Variants in CTF1 observed in about 807,000 individuals in gnomAD.
CTF1 encodes cardiotrophin 1.
A neutral mutation model predicts 10.9 loss-of-function variants in CTF1; 9 were observed. The observed-to-expected ratio is 0.83, with a 90% confidence interval of 0.50 to 1.44. CTF1 has a LOEUF of 1.44. CTF1 is among the 40% of genes most tolerant of loss of function. The probability of loss-of-function intolerance (pLI) is 0.00; values close to 1 mark genes in which losing one functional copy is unlikely to be tolerated. For missense variants in CTF1, 259 were observed against 275.3 expected (o/e 0.94, Z 0.42); for synonymous variants, 133 against 138.8 (o/e 0.96, Z 0.29).
At position 30,902,536 on chromosome 16, in the gene CTF1, C is replaced by G; in HGVS notation, c.603C>G (p.Ala201=). The change falls in exon 3 of 3, where the codon GCC becomes GCG. Residue 201 remains alanine, a synonymous_variant. Coordinates refer to ENST00000279804, the MANE Select transcript of CTF1 (RefSeq NM_001330.5). ...GCCAGCTGCTGCCCGGGGGCTCGGC[C>G]TGAGCGCCGCGGGGCAGCTCGCCCC... ...DLGQLLPGGS[A] The G allele has an allele frequency of 6.7e-7, 1 of 1,500,092 alleles. No individual in the cohort carries two copies. Among genetic ancestry groups the G allele is most frequent in the Non-Finnish European group, 8.9e-7 (1 of 1,129,608 alleles). The allele number at this position is 1,500,092 out of a possible 1,614,324, so 92.9% of individuals were successfully genotyped here.
chr16:30,898,756 T>G (rs2055375744), intron 1 of CTF1, among the ~76,000 whole-genome samples: 1 of 152,142 alleles, frequency 6.6e-6, no homozygotes, highest in Non-Finnish European at 1.5e-5. Flanking sequence ...CTCCCGGGGT[T>G]CAAGTGATCC....
intron 2 of CTF1, among the ~76,000 whole-genome samples, chr16:30,900,747 C>G (rs1255425576): frequency 2.6e-5 from 4 of 152,178 alleles, no homozygotes; most frequent in African/African-American, 9.6e-5. Flanking sequence ...CAAACCATTG[C>G]TCTCCACCCT....
At chr16:30,896,737 G>A (rs996104301) in intron 1 of CTF1, 69 bp downstream of exon 1, 2 of 1,236,368 alleles carry the variant, frequency 1.6e-6, no homozygotes, top group Middle Eastern at 3.0e-4. Flanking sequence ...GGGAGCTGGG[G>A]GTCTGGGTTT....
chr16:30,902,041 C>A, intron 2 of CTF1, 37 bp from the exon 3 acceptor site: 1 of 1,430,392 alleles, frequency 7.0e-7, no homozygotes, highest in South Asian at 1.3e-5. Flanking sequence ...TGCCCGTGCT[C>A]CGGGGCCCCG....
intron 1 of CTF1, among the ~76,000 whole-genome samples, chr16:30,898,864 G>A (rs534235216): frequency 6.6e-6 from 1 of 152,170 alleles, no homozygotes; most frequent in South Asian, 2.1e-4. Context: ...TCACCATATC[G>A]CCCAGGCTGG....
intron 1 of CTF1, 151 bp downstream of exon 1, chr16:30,896,819 T>C (rs1353375187): frequency 3.3e-6 from 2 of 600,972 alleles, no homozygotes; most frequent in African/African-American, 1.9e-5. Flanking sequence ...AGGTAACGAG[T>C]GAGCGGGTGA....
At position 30,902,322 on chromosome 16, in the gene CTF1, G is replaced by C; in HGVS notation, c.389G>C (p.Arg130Pro). ...CTGGAGGACGCGGCGCGCCAGGCCC[G>C]GGCCCTGGGCGCCGCCGTGGAGGCC... ...RRLEDAARQA[R>P]ALGAAVEALL... is the part of the protein sequence containing the mutation. The change falls in exon 3 of 3, where the codon CGG becomes CCG. Residue 130 changes from arginine to proline, a missense_variant. Arg to Pro is a moderately radical substitution (Grantham distance 103). Coordinates refer to ENST00000279804, the MANE Select transcript of CTF1 (RefSeq NM_001330.5). 2 of 1,016,686 alleles carry C rather than the reference G, an allele frequency of 2.0e-6. No homozygotes were observed. Among genetic ancestry groups the C allele is most frequent in the Non-Finnish European group, 2.3e-6 (2 of 853,518 alleles). The allele number at this position is 1,016,686 out of a possible 1,614,324, so 63.0% of individuals were successfully genotyped here.
At chr16:30,899,388 C>A in intron 1 of CTF1, 27 bp from the exon 2 acceptor site, 1 of 1,441,988 alleles carries the variant, frequency 6.9e-7, no homozygotes, top group Non-Finnish European at 9.8e-7. Context: ...GGTTGGCCAT[C>A]CTCATTCCTC....
rs140555745 is a variant in CTF1 at position 30,900,251 on chromosome 16, G to A, written c.144+718G>A. The stretch of plus-strand genomic sequence containing the variant: ...ATCCCAAGAGGGCACTTTCACAGAA[G>A]ACAGGGATCTGCTGACATCTTTAGT... On this transcript the variant is annotated intron_variant, in intron 2 of 2. Coordinates refer to ENST00000279804, the MANE Select transcript of CTF1 (RefSeq NM_001330.5). Among the ~76,000 whole-genome samples the A allele has an allele frequency of 8.0e-4, 122 of 152,338 alleles. 6 individuals carry two copies. Among genetic ancestry groups the A allele is most frequent in the African/African-American group, 2.6e-3 (110 of 41,572 alleles).
At chr16:30,898,162 ATT>A (rs1368889898) in intron 1 of CTF1, among the ~76,000 whole-genome samples, 9 of 130,246 alleles carry the variant, frequency 6.9e-5, no homozygotes, top group Admixed American at 7.8e-5. Context: ...CGCCTGGACA[ATT>A]TTTTTTTTTT....
At chr16:30,897,710 C>T (rs1027048159) in intron 1 of CTF1, among the ~76,000 whole-genome samples, 3 of 152,100 alleles carry the variant, frequency 2.0e-5, no homozygotes, top group Non-Finnish European at 4.4e-5. Context: ...CAAAAATTAA[C>T]CGGGCATGGT....
upstream of CTF1, chr16:30,896,476 G>C (rs2055349856): frequency 1.7e-6 from 1 of 585,938 alleles, no homozygotes; most frequent in Non-Finnish European, 2.6e-6. Flanking sequence ...CCACGGACGA[G>C]GAGCTGAGCT....
chr16:30,900,894 ATTTTT>A (rs764298787), intron 2 of CTF1, among the ~76,000 whole-genome samples: 8 of 139,320 alleles, frequency 5.7e-5, no homozygotes, highest in African/African-American at 2.1e-4. Flanking sequence ...CCAGCCCAAC[ATTTTT>A]TTTTTTTTTT....
intron 1 of CTF1, among the ~76,000 whole-genome samples, chr16:30,898,323 G>A (rs2055372143): frequency 6.6e-6 from 1 of 151,996 alleles, no homozygotes; most frequent in African/African-American, 2.4e-5. Flanking sequence ...CATCATGCCT[G>A]ACTAATTTTT....
intron 2 of CTF1, among the ~76,000 whole-genome samples, chr16:30,901,736 A>G (rs1596639113): frequency 8.3e-6 from 1 of 119,864 alleles, no homozygotes; most frequent in Non-Finnish European, 1.7e-5. Flanking sequence ...GCGCCACCAC[A>G]CTCGCTATTT....
In CTF1 at chr16:30,902,128, G is replaced by T; in HGVS notation, c.195G>T (p.Arg65=). 1 of 1,410,536 alleles carries T rather than the reference G, an allele frequency of 7.1e-7. No individual in the cohort carries two copies. The highest frequency in any genetic ancestry group is 9.3e-7 in the Non-Finnish European group (1 of 1,078,578). The allele number at this position is 1,410,536 out of a possible 1,614,324, so 87.4% of individuals were successfully genotyped here. ...GGCTGCCCAGCTTCTCGCCGCCGCG[G>T]CTGCCGGTGGCCGGCCTGAGCGCCC... is the stretch of plus-strand genomic sequence containing the variant. ...PFGLPSFSPP[R]LPVAGLSAPA... The change falls in exon 3 of 3, where the codon CGG becomes CGT. Residue 65 remains arginine (R), a synonymous_variant. Transcript: ENST00000279804.
chr16:30,899,063 T>C (rs943606407), intron 1 of CTF1, among the ~76,000 whole-genome samples: 6 of 152,164 alleles, frequency 3.9e-5, no homozygotes, highest in Admixed American at 3.9e-4. Context: ...TAACACCACA[T>C]AGCCTGGGCG....
chr16:30,895,962 A>C (rs186249262), upstream of CTF1, among the ~76,000 whole-genome samples: 27 of 149,696 alleles, frequency 1.8e-4, 1 homozygote, highest in Admixed American at 8.8e-4. Flanking sequence ...AGTATGGATC[A>C]TCCCTATGTG....
At chr16:30,901,643 G>A (rs2055400655) in intron 2 of CTF1, among the ~76,000 whole-genome samples, 1 of 151,826 alleles carries the variant, frequency 6.6e-6, no homozygotes, top group Non-Finnish European at 1.5e-5. Flanking sequence ...TGCCATCATA[G>A]CTCATTGAAG....
Sources: gnomAD v4.1 joint callset for allele counts (sites outside exome capture counted in the v4.1 genomes callset) on GRCh38, gnomAD v4.1.1 for gene constraint, MANE v1.5 for transcripts, NCBI Gene and HGNC (gene_info 2026-07-23, HGNC 2026-07-21) for gene names.